The following PFDN4 variants were observed in gnomAD, a reference collection of about 807,000 sequenced individuals.
PFDN4 encodes prefoldin subunit 4, also known as prefoldin 4.
PFDN4 carries 6 observed loss-of-function variants against 17.6 expected under a neutral mutation model. The observed-to-expected ratio is 0.34, with a 90% CI of 0.19 to 0.67. The LOEUF is 0.67. Among genes scored for constraint, PFDN4 ranks in the 30% least tolerant of loss-of-function variants. The pLI is 0.68. For missense variants in PFDN4, 119 were observed against 158.4 expected, an observed-to-expected ratio of 0.75 and a Z score of 1.33; for synonymous variants, 48 against 51.1, an observed-to-expected ratio of 0.94 and a Z score of 0.26.
intron 3 of PFDN4, among the ~76,000 whole-genome samples, chr20:54,217,680 T>A (rs1254314840): frequency 1.3e-5 from 2 of 152,286 alleles, no homozygotes; most frequent in Non-Finnish European, 2.9e-5. Flanking sequence ...CCTTCAGAGA[T>A]TTTTGGAAAA....
intron 1 of PFDN4, among the ~76,000 whole-genome samples, chr20:54,212,039 G>A (rs1007995572): frequency 4.0e-5 from 6 of 151,870 alleles, no homozygotes; most frequent in Non-Finnish European, 7.4e-5. Context: ...CTAAAAATAC[G>A]AAAATTAGCC....
intron 2 of PFDN4, among the ~76,000 whole-genome samples, chr20:54,214,945 C>T (rs1438319906): frequency 6.6e-6 from 1 of 152,214 alleles, no homozygotes; most frequent in Non-Finnish European, 1.5e-5. Context: ...GATTTACTTA[C>T]ACCCTATCAG....
Position 54,219,028 on chromosome 20 carries a change from C to A in PFDN4, c.283C>A (p.Gln95Lys), listed in dbSNP as rs769200719. The stretch of plus-strand genomic sequence containing the variant: ...AATATTTTTTTTCCAGAAAAATTTG[C>A]AAGAAGAAATTGACGCCTTAGAATC... ...EMLEEAKKNL[Q>K]EEIDALESRV... The change falls in exon 4 of 4, where the codon CAA (glutamine) becomes AAA (lysine). Residue 95 changes from glutamine to lysine, a missense_variant. Coordinates refer to ENST00000371419, the MANE Select transcript of PFDN4 (RefSeq NM_002623.4). The A allele has an allele frequency of 4.6e-6, 7 of 1,528,194 alleles. No individual in the cohort carries two copies. The South Asian group carries it at 5.0e-5, about 11-fold the overall frequency. The allele number at this position is 1,528,194 out of a possible 1,614,324, so 94.7% of individuals were successfully genotyped here.
intron 1 of PFDN4, among the ~76,000 whole-genome samples, chr20:54,213,202 T>C (rs2092758290): frequency 1.3e-5 from 2 of 152,244 alleles, no homozygotes; most frequent in African/African-American, 2.4e-5. Flanking sequence ...GTATGAACTA[T>C]TTTTATACAC....
chr20:54,215,344 T>G lies in PFDN4; in HGVS notation c.177T>G (p.Leu59=). ...NLEDACDDIM[L]ADDDCLMIPY... ...AAGATGCTTGTGATGACATCATGCT[T>G]GCAGATGATGATTGCTTAATGATAC... Residue 59 remains leucine (L), a synonymous_variant, in exon 3 of 4, where the codon CTT becomes CTG. Transcript: ENST00000371419. 2 of 1,602,070 alleles carry G rather than the reference T, an allele frequency of 1.2e-6. No homozygotes were observed. The highest frequency in any genetic ancestry group is 2.2e-5 in the South Asian group (2 of 89,144).
At chr20:54,211,372 C>G (rs2092755629) in intron 1 of PFDN4, among the ~76,000 whole-genome samples, 1 of 152,198 alleles carries the variant, frequency 6.6e-6, no homozygotes, top group African/African-American at 2.4e-5. Context: ...AGGCATATTT[C>G]TCTTTGGCCT....
Position 54,215,989 on chromosome 20 carries a change from G to A in PFDN4, c.273+549G>A, listed in dbSNP as rs982998245. On this transcript the variant is annotated intron_variant, in intron 3 of 3. Coordinates refer to ENST00000371419, the MANE Select transcript of PFDN4 (RefSeq NM_002623.4). ...TGGCACACAGGCCTTTAAAAACATC[G>A]TTTTTGAAGACTGTTTAATATCATG... Among the ~76,000 whole-genome samples, 32 of 152,184 alleles carry A rather than the reference G, an allele frequency of 2.1e-4. 1 individual carries two copies. Among genetic ancestry groups the A allele is most frequent in the African/African-American group, 7.2e-5 (3 of 41,432 alleles).
At chr20:54,208,326 G>C (rs749762338) in intron 1 of PFDN4, 2 of 457,896 alleles carry the variant, frequency 4.4e-6, no homozygotes, top group Non-Finnish European at 7.5e-6. Flanking sequence ...CTGGCCAGCC[G>C]AGGCGGGGCG....
chr20:54,214,784 A>G (rs2092760451), intron 2 of PFDN4, among the ~76,000 whole-genome samples: 1 of 152,168 alleles, frequency 6.6e-6, no homozygotes, highest in African/African-American at 2.4e-5. Context: ...AGGAACACCA[A>G]GCTGCTGCTG....
At chr20:54,209,958 A>G (rs2092753557) in intron 1 of PFDN4, among the ~76,000 whole-genome samples, 1 of 152,184 alleles carries the variant, frequency 6.6e-6, no homozygotes, top group Non-Finnish European at 1.5e-5. Flanking sequence ...AGTTTCTCTG[A>G]TGAGAACTGT....
intron 1 of PFDN4, among the ~76,000 whole-genome samples, chr20:54,212,551 C>G (rs1260390909): frequency 1.3e-5 from 2 of 152,240 alleles, no homozygotes; most frequent in Non-Finnish European, 2.9e-5. Context: ...GTGTTTGAGT[C>G]TGATCAAGCA....
chr20:54,212,690 T>C (rs532232070), intron 1 of PFDN4, among the ~76,000 whole-genome samples: 11 of 152,344 alleles, frequency 7.2e-5, no homozygotes, highest in African/African-American at 2.4e-4. Context: ...TAAATGCCTG[T>C]TGGGGGTTCA....
intron 3 of PFDN4, among the ~76,000 whole-genome samples, chr20:54,218,093 A>G (rs1169635720): frequency 1.3e-5 from 2 of 150,508 alleles, no homozygotes; most frequent in Non-Finnish European, 3.0e-5. Context: ...GTTAGTGGGT[A>G]TTTGGTTTGT....
At chr20:54,211,088 C>CA (rs1051866574) in intron 1 of PFDN4, among the ~76,000 whole-genome samples, 33 of 151,948 alleles carry the variant, frequency 2.2e-4, no homozygotes, top group African/African-American at 7.5e-4. Flanking sequence ...GTCTCAAAAA[C>CA]AAAAAAACAA....
chr20:54,219,164 C>T lies in PFDN4; in HGVS notation c.*14C>T. 1 of 1,404,518 alleles carries T rather than the reference C, an allele frequency of 7.1e-7. No homozygotes were observed. The highest frequency in any genetic ancestry group is 9.5e-7 in the Non-Finnish European group (1 of 1,048,744). 87.0% of individuals were successfully genotyped at this position (1,404,518 alleles called of 1,614,324 possible). ...GATGAAAGTTAAACATTTTATAATA[C>T]TTTTTTTATTTGTTTAATAAACTTG... On this transcript the variant is annotated 3_prime_UTR_variant, in exon 4 of 4. Transcript: ENST00000371419.
At chr20:54,215,540 T>C in intron 3 of PFDN4, 100 bp downstream of exon 3, 1 of 755,622 alleles carries the variant, frequency 1.3e-6, no homozygotes, top group Non-Finnish European at 2.1e-6. Flanking sequence ...TAGCTAATAT[T>C]TACTGCCTTG....
rs1467886795 is a variant in PFDN4, at chr20:54,214,451, T to TA, written c.131dup (p.Lys45GlufsTer11). The stretch of plus-strand genomic sequence containing the variant: ...ACAGAGCTGAAGGAAGAAATAGAAG[T>TA]AAAAAAGGTATTGAAAATAATTATT... On this transcript the variant is annotated frameshift_variant, in exon 2 of 4. Coordinates refer to ENST00000371419, the MANE Select transcript of PFDN4 (RefSeq NM_002623.4). LOFTEE classifies it high-confidence loss of function. 3 of 1,454,478 alleles carry TA rather than the reference T, an allele frequency of 2.1e-6. No homozygotes were observed. Among genetic ancestry groups the TA allele is most frequent in the Admixed American group, 1.9e-5 (1 of 51,570 alleles). 90.1% of individuals were successfully genotyped at this position (1,454,478 alleles called of 1,614,324 possible).
Position 54,209,915 on chromosome 20 carries a change from G to A in PFDN4, c.24+1791G>A, listed in dbSNP as rs115449935. 3.0e-3 allele frequency among the ~76,000 whole-genome samples: 460 copies of A among 152,312 alleles called. 4 individuals carry two copies. Among genetic ancestry groups the A allele is most frequent in the African/African-American group, 0.011 (443 of 41,554 alleles). ...CAAAGAACGTATGTTCCAGGGCAGA[G>A]CAGGCATTACTCAGATAGTCAGACA... On this transcript the variant is annotated intron_variant, in intron 1 of 3. Transcript: ENST00000371419.
chr20:54,216,940 C>T (rs534388141), intron 3 of PFDN4, among the ~76,000 whole-genome samples: 23 of 152,264 alleles, frequency 1.5e-4, no homozygotes, highest in South Asian at 6.2e-4. Context: ...GGATTACAGG[C>T]GTGAGCCACC....
Sources: allele counts gnomAD v4.1 joint callset (sites outside exome capture counted in the v4.1 genomes callset), GRCh38; gene constraint gnomAD v4.1.1; transcripts MANE v1.5; gene names NCBI Gene and HGNC (gene_info 2026-07-23, HGNC 2026-07-21).